The following CEP164 variants were observed in gnomAD, a reference collection of about 807,000 sequenced individuals.
The protein encoded by CEP164 is centrosomal protein of 164 kDa.
CEP164 carries 162 observed loss-of-function variants against 182.7 expected under a neutral mutation model. The ratio of observed to expected loss-of-function variants is 0.89; its 90% CI spans 0.78 to 1.01. The LOEUF (loss-of-function observed/expected upper bound fraction) is 1.01, where lower values mean the gene tolerates loss of function less well. Among genes scored for constraint, CEP164 ranks in the 50% least tolerant of loss-of-function variants. The probability of loss-of-function intolerance (pLI) is 0.00; values close to 1 mark genes in which losing one functional copy is unlikely to be tolerated. For missense variants in CEP164, 1,735 were observed against 1,790.4 expected (o/e 0.97, Z 0.56); for synonymous variants, 661 against 690.0 (o/e 0.96, Z 0.66).
upstream of CEP164, among the ~76,000 whole-genome samples, chr11:117,325,905 CTTTTTTT>C (rs887528293): frequency 7.7e-6 from 1 of 130,050 alleles, no homozygotes; most frequent in Non-Finnish European, 1.6e-5. Context: ...CAAGTAGGAC[CTTTTTTT>C]TTTTTTTTTT....
chr11:117,394,883 A>G lies in CEP164; in HGVS notation c.2761-37A>G, dbSNP rs1015024484. 6.2e-7 allele frequency: 1 copy of G among 1,603,224 alleles called. No individual in the cohort carries two copies. Among genetic ancestry groups the G allele is most frequent in the Non-Finnish European group, 8.5e-7 (1 of 1,170,878 alleles). ...TCCTGCCCCTCAGCTAATGCCTTAC[A>G]CTCTTTCTATGCTTATGTGTTTCCC... On this transcript the variant is annotated intron_variant, in intron 21 of 32. Transcript: ENST00000278935. This position sits in a 1 kb window ranked among gnomAD's most constrained non-coding sequence, Gnocchi z 4.0.
At chr11:117,377,876 T>G (rs1592262199) in intron 11 of CEP164, among the ~76,000 whole-genome samples, 1 of 152,192 alleles carries the variant, frequency 6.6e-6, no homozygotes, top group East Asian at 1.9e-4. Flanking sequence ...CTTTCTTTTT[T>G]TGAGATGGAG....
At chr11:117,333,177 T>G (rs2036485390) in intron 1 of CEP164, among the ~76,000 whole-genome samples, 1 of 131,004 alleles carries the variant, frequency 7.6e-6, no homozygotes, top group African/African-American at 2.9e-5. Flanking sequence ...CATGCATGGC[T>G]GATATTTTTA....
chr11:117,378,796 G>C (rs1390454111), intron 11 of CEP164, among the ~76,000 whole-genome samples: 1 of 152,200 alleles, frequency 6.6e-6, no homozygotes, highest in Non-Finnish European at 1.5e-5. Context: ...GGATAGTTCA[G>C]TTTCTCACAG....
upstream of CEP164, among the ~76,000 whole-genome samples, chr11:117,323,522 A>G (rs1303614238): frequency 6.6e-6 from 1 of 152,090 alleles, no homozygotes; most frequent in East Asian, 1.9e-4. Context: ...TTCATTGCAT[A>G]TCTTGGGTAA....
chr11:117,383,544 T>C (rs2043588201), intron 14 of CEP164, among the ~76,000 whole-genome samples: 1 of 152,248 alleles, frequency 6.6e-6, no homozygotes, highest in Non-Finnish European at 1.5e-5. Context: ...TCTTTTGTGC[T>C]TGTGTTCAAA....
At chr11:117,372,031 G>A (rs2042249806) in intron 9 of CEP164, among the ~76,000 whole-genome samples, 1 of 151,714 alleles carries the variant, frequency 6.6e-6, no homozygotes, top group South Asian at 2.1e-4. Flanking sequence ...TGTAGAGATA[G>A]GGTTTCACCG....
rs552050921 is a variant in CEP164, at chr11:117,411,512, C to A, written c.4164-283C>A. The A allele has an allele frequency of 7.8e-6, 3 of 384,832 alleles. No individual in the cohort carries two copies. The highest frequency in any genetic ancestry group is 1.4e-5 in the Non-Finnish European group (3 of 207,574). 23.8% of individuals were successfully genotyped at this position (384,832 alleles called of 1,614,324 possible). On this transcript the variant is annotated intron_variant, in intron 31 of 32. Transcript: ENST00000278935. The surrounding 1 kb of genome is among the most constrained non-coding windows in gnomAD (Gnocchi z 4.4). ...CAAGGATTGAGTTGACAGAGGGGAG[C>A]GCTTTGCTGATGAGATTGGCGGGAG...
intron 1 of CEP164, among the ~76,000 whole-genome samples, chr11:117,331,734 C>T (rs931811109): frequency 1.3e-5 from 2 of 148,156 alleles, no homozygotes; most frequent in Non-Finnish European, 3.0e-5. Flanking sequence ...TTCCTAGCTT[C>T]TGAGATTGCT....
In CEP164 at chr11:117,371,429, C is replaced by T; in HGVS notation, c.1115C>T (p.Ala372Val). 6.2e-7 allele frequency: 1 copy of T among 1,613,590 alleles called. No homozygotes were observed. The highest frequency in any genetic ancestry group is 1.1e-5 in the South Asian group (1 of 91,018). ...EEAAKEPKKK[A>V]SALEEGSSDA... Reference sequence around the variant, plus strand: ...GCAGCCAAGGAGCCAAAGAAGAAGGCTTCTGCTCTGGAAGAGGGCAGTTCA... The same window carrying T: ...GCAGCCAAGGAGCCAAAGAAGAAGGTTTCTGCTCTGGAAGAGGGCAGTTCA... The change falls in exon 9 of 33, where the codon GCT becomes GTT. Residue 372 changes from alanine (A) to valine (V), a missense_variant. Ala to Val is a moderately conservative substitution (Grantham distance 64, BLOSUM62 0). Coordinates refer to ENST00000278935, the MANE Select transcript of CEP164 (RefSeq NM_014956.5).
chr11:117,371,037 A>G, intron 8 of CEP164, 43 bp from the exon 9 acceptor site: 2 of 1,522,362 alleles, frequency 1.3e-6, no homozygotes, highest in Non-Finnish European at 1.8e-6. Flanking sequence ...CCTTTTGCAC[A>G]TTCCTTTTGT....
intron 11 of CEP164, among the ~76,000 whole-genome samples, chr11:117,379,672 T>C (rs1222987309): frequency 2.0e-5 from 3 of 152,088 alleles, no homozygotes; most frequent in Non-Finnish European, 4.4e-5. Flanking sequence ...TGCAGTTTGC[T>C]ATCCCATTTT....
intron 3 of CEP164, among the ~76,000 whole-genome samples, chr11:117,339,515 GTTTTTTGTTTT>G (rs2037755614): frequency 2.2e-5 from 2 of 90,880 alleles, no homozygotes; most frequent in African/African-American, 8.4e-5. Context: ...CTTTTCCTTT[GTTTTTTGTTTT>G]TTTTTTTTTT....
At chr11:117,363,102 C>T (rs191162870) in intron 7 of CEP164, among the ~76,000 whole-genome samples, 86 of 152,350 alleles carry the variant, frequency 5.6e-4, no homozygotes, top group Admixed American at 1.2e-3. Context: ...TTTGGCTGAT[C>T]TCTGTGCTAC....
chr11:117,325,670 G>A (rs1378025721), upstream of CEP164, among the ~76,000 whole-genome samples: 2 of 152,172 alleles, frequency 1.3e-5, no homozygotes, highest in Non-Finnish European at 2.9e-5. Flanking sequence ...ACAGGTGTGA[G>A]CCACTGTGAC....
chr11:117,371,245 C>A lies in CEP164; in HGVS notation c.931C>A (p.Pro311Thr), dbSNP rs561098013. Residue 311 changes from proline (P) to threonine (T), a missense_variant, in exon 9 of 33, where the codon CCA (proline) becomes ACA (threonine). Coordinates refer to ENST00000278935, the MANE Select transcript of CEP164 (RefSeq NM_014956.5). ...RQGSGARPGL[P>T]EKEENEKSEP... ...GGGAAGTGGAGCAAGACCTGGTCTT[C>A]CAGAAAAAGAGGAAAATGAGAAGAG... 1 of 1,614,162 alleles carries A rather than the reference C, an allele frequency of 6.2e-7. No individual in the cohort carries two copies. Among genetic ancestry groups the A allele is most frequent in the South Asian group, 1.1e-5 (1 of 91,086 alleles).
At chr11:117,355,041 C>G in intron 5 of CEP164, 8 of 1,289,762 alleles carry the variant, frequency 6.2e-6, no homozygotes, top group Non-Finnish European at 7.1e-6. Context: ...GAGATGCAGG[C>G]TATAAGTGAG....
rs748972612 is a variant in CEP164 at position 117,396,136 on chromosome 11, G to C, written c.3172G>C (p.Glu1058Gln). 8 of 1,608,346 alleles carry C rather than the reference G, an allele frequency of 5.0e-6. No individual in the cohort carries two copies. Among genetic ancestry groups the C allele is most frequent in the Middle Eastern group, 1.7e-4 (1 of 6,030 alleles). The change falls in exon 25 of 33, where the codon GAG becomes CAG. Residue 1058 changes from glutamate (E) to glutamine (Q), a missense_variant. By Grantham distance (29) the Glu-to-Gln change is conservative. Transcript: ENST00000278935. The stretch of plus-strand genomic sequence containing the variant: ...GGAAAATAATGCTTCCCCACATTTT[G>C]AGCCAGATCTCCATATTGAGGACCT... Reference protein sequence around the residue: ...VEENNASPHFEPDLHIEDLRK... With the variant: ...VEENNASPHFQPDLHIEDLRK...
chr11:117,390,945 C>T (rs375390522), intron 16 of CEP164, 37 bp downstream of exon 16: 77 of 1,613,750 alleles, frequency 4.8e-5, no homozygotes, highest in African/African-American at 9.3e-5. Flanking sequence ...CCCAGCCCTG[C>T]GGAGGCGACC....
Sources: allele counts gnomAD v4.1 joint callset (sites outside exome capture counted in the v4.1 genomes callset), GRCh38; gene constraint gnomAD v4.1.1; non-coding constraint Gnocchi (gnomAD v3.1); transcripts MANE v1.5; gene names NCBI Gene and HGNC (gene_info 2026-07-23, HGNC 2026-07-21).